Variants in SNX31 observed in about 807,000 individuals in gnomAD.
SNX31 encodes the protein sorting nexin-31.
Under a neutral mutation model 65.4 loss-of-function variants are expected in SNX31, and 58 were observed. The observed-to-expected ratio is 0.89, with a 90% CI of 0.72 to 1.10. The LOEUF (loss-of-function observed/expected upper bound fraction) is 1.10, where lower values mean the gene tolerates loss of function less well. Among genes scored for constraint, SNX31 ranks in the 50% least tolerant of loss-of-function variants. The pLI is 0.00. For synonymous variants in SNX31, 181 were observed against 190.1 expected, an observed-to-expected ratio of 0.95 and a Z score of 0.39; for missense variants, 523 against 529.7, an observed-to-expected ratio of 0.99 and a Z score of 0.12.
intron 1 of SNX31, among the ~76,000 whole-genome samples, chr8:100,659,203 G>A (rs1464776256): frequency 2.6e-5 from 4 of 151,924 alleles, no homozygotes; most frequent in Admixed American, 6.6e-5. Context: ...AAAATTAGCC[G>A]GGCCTGGTGG....
chr8:100,655,447 C>T (rs1402691649), intron 1 of SNX31, among the ~76,000 whole-genome samples: 1 of 152,122 alleles, frequency 6.6e-6, no homozygotes, highest in Non-Finnish European at 1.5e-5. Context: ...ATCATGGGGG[C>T]AGTTTCCCCC....
chr8:100,605,447 T>C (rs150035582), intron 8 of SNX31, among the ~76,000 whole-genome samples: 52 of 152,292 alleles, frequency 3.4e-4, no homozygotes, highest in African/African-American at 1.2e-3. Flanking sequence ...ATGATGATGA[T>C]GATGATAAAG....
intron 12 of SNX31, among the ~76,000 whole-genome samples, chr8:100,583,678 T>C (rs2507778): frequency 0.39 from 58,612 of 151,938 alleles, 12,151 homozygotes; most frequent in African/African-American, 0.52. Flanking sequence ...GCATTTTCAT[T>C]TGGCACAATG....
intron 3 of SNX31, 21 bp downstream of exon 3, chr8:100,635,876 A>G: frequency 6.4e-7 from 1 of 1,570,522 alleles, no homozygotes; most frequent in Non-Finnish European, 8.8e-7. Flanking sequence ...CTGTTTTTTA[A>G]AAAACCCTGC....
At position 100,622,664 on chromosome 8, in the gene SNX31, G is replaced by GTAAA. The variant is rs150849109; in HGVS notation, c.322-4938_322-4935dup. ...AGACTCCCTCTCAAAAAATAAATAA[G>GTAAA]TAAATAAATAAATAAATAAATAAAT... On this transcript the variant is annotated intron_variant, in intron 4 of 13. Transcript: ENST00000311812. This position sits in a 1 kb window ranked among gnomAD's most constrained non-coding sequence, Gnocchi z 5.0. Among the ~76,000 whole-genome samples, 2,179 of 149,646 alleles carry GTAAA rather than the reference G, an allele frequency of 0.015. 17 individuals are homozygous for GTAAA. The highest frequency in any genetic ancestry group is 0.022 in the African/African-American group (891 of 40,642).
chr8:100,649,151 T>C, intron 2 of SNX31, 123 bp downstream of exon 2: 1 of 871,534 alleles, frequency 1.1e-6, no homozygotes, highest in Non-Finnish European at 1.8e-6. Context: ...TGTTTCACAA[T>C]AGGAAGCCCG....
At chr8:100,646,358 G>A (rs1374108505) in intron 2 of SNX31, among the ~76,000 whole-genome samples, 1 of 152,190 alleles carries the variant, frequency 6.6e-6, no homozygotes, top group Non-Finnish European at 1.5e-5. Context: ...GCAAGCAAAA[G>A]TGGTCTTAGT....
At chr8:100,628,596 G>T (rs1266725509) in intron 4 of SNX31, among the ~76,000 whole-genome samples, 1 of 151,820 alleles carries the variant, frequency 6.6e-6, no homozygotes, top group Non-Finnish European at 1.5e-5. Flanking sequence ...GTTGTGGGGT[G>T]GGGGGAAGGG....
At chr8:100,621,678 G>T (rs959900211) in intron 4 of SNX31, among the ~76,000 whole-genome samples, 8 of 152,164 alleles carry the variant, frequency 5.3e-5, no homozygotes, top group African/African-American at 1.4e-4. Flanking sequence ...AGCAGCCTGA[G>T]ATATATTTTT....
At chr8:100,644,775 G>C (rs1373465315) in intron 2 of SNX31, among the ~76,000 whole-genome samples, 1 of 152,198 alleles carries the variant, frequency 6.6e-6, no homozygotes, top group Admixed American at 6.5e-5. Flanking sequence ...AGCAATTCTC[G>C]TGCCTCATTC....
rs775258107 is a variant in SNX31, at chr8:100,629,317, G to A, written c.321+1010C>T. ...AGAAAAGTTACTTTTCATTGTATAC[G>A]CTTGGCTATTTGAATTTTACTATCA... is the stretch of plus-strand genomic sequence containing the variant. On this transcript the variant is annotated intron_variant, in intron 4 of 13. Coordinates refer to ENST00000311812, the MANE Select transcript of SNX31 (RefSeq NM_152628.4). This position sits in a 1 kb window ranked among gnomAD's most constrained non-coding sequence, Gnocchi z 5.1. 6.6e-6 allele frequency among the ~76,000 whole-genome samples: 1 copy of A among 152,118 alleles called. No homozygotes were observed. The highest frequency in any genetic ancestry group is 1.5e-5 in the Non-Finnish European group (1 of 68,024).
At chr8:100,590,735 T>C (rs1399506811) in intron 10 of SNX31, among the ~76,000 whole-genome samples, 1 of 152,084 alleles carries the variant, frequency 6.6e-6, no homozygotes, top group African/African-American at 2.4e-5. Context: ...TGAGCTGAGA[T>C]TGCGCCACTG....
rs35396586 is a variant in SNX31, at chr8:100,610,640, A to T, written c.611+1360T>A. The stretch of plus-strand genomic sequence containing the variant: ...CAGGAACAACTGTGCTCAGCCATTC[A>T]CTACAGCAAGCAGCTTCCAGAACAG... On this transcript the variant is annotated intron_variant, in intron 7 of 13. Transcript: ENST00000311812. This position sits in a 1 kb window ranked among gnomAD's most constrained non-coding sequence, Gnocchi z 4.0. 0.054 allele frequency among the ~76,000 whole-genome samples: 8,171 copies of T among 152,282 alleles called. 282 individuals are homozygous for T. Among genetic ancestry groups the T allele is most frequent in the East Asian group, 0.15 (789 of 5,184 alleles).
rs374214166 is a variant in SNX31 at position 100,579,004 on chromosome 8, G to A, written c.1171-1929C>T. 2.2e-4 allele frequency among the ~76,000 whole-genome samples: 34 copies of A among 152,210 alleles called. No homozygotes were observed. The East Asian group carries it at 3.3e-3, about 15-fold the overall frequency. ...CCCAAAGTGCTGGGATTACAGGCAC[G>A]AGACACTGTGCCCGGCCTCAATATT... On this transcript the variant is annotated intron_variant, in intron 12 of 13. Transcript: ENST00000311812.
At chr8:100,651,461 T>A (rs1307060443), upstream of SNX31, among the ~76,000 whole-genome samples, 2 of 151,032 alleles carry the variant, frequency 1.3e-5, no homozygotes. Context: ...TTTCACCCCA[T>A]GGCATGTCCA....
intron 8 of SNX31, among the ~76,000 whole-genome samples, chr8:100,602,580 A>G (rs1204542021): frequency 6.6e-6 from 1 of 152,214 alleles, no homozygotes; most frequent in Non-Finnish European, 1.5e-5. Flanking sequence ...AACAATAACT[A>G]ATAAGAAAAT....
Position 100,573,842 on chromosome 8 carries a change from AT to A in SNX31, c.*22del. 6.7e-7 allele frequency: 1 copy of A among 1,503,512 alleles called. No homozygotes were observed. Among genetic ancestry groups the A allele is most frequent in the East Asian group, 2.3e-5 (1 of 43,722 alleles). 93.1% of individuals were successfully genotyped at this position (1,503,512 alleles called of 1,614,324 possible). A position where few individuals can be genotyped will look rare whatever the true frequency, so the allele number is the denominator to read the frequency against. On this transcript the variant is annotated 3_prime_UTR_variant, in exon 14 of 14. Coordinates refer to ENST00000311812, the MANE Select transcript of SNX31 (RefSeq NM_152628.4). ...CTGTCTTGAGATAGCCTCCAAGGAT[AT>A]TTTAAAATATGAGAGCTTTCTTCAG...
chr8:100,615,454 T>C (rs978425153), intron 5 of SNX31, among the ~76,000 whole-genome samples: 2 of 152,230 alleles, frequency 1.3e-5, no homozygotes, highest in African/African-American at 4.8e-5. Context: ...GTCTGTAAAG[T>C]AACTTACCCA....
chr8:100,607,289 G>C (rs966627981), intron 8 of SNX31, among the ~76,000 whole-genome samples: 8 of 152,212 alleles, frequency 5.3e-5, no homozygotes, highest in African/African-American at 1.9e-4. Flanking sequence ...AAAAGATCAG[G>C]TCTCCGAAGA....
Sources: allele counts gnomAD v4.1 joint callset (sites outside exome capture counted in the v4.1 genomes callset), GRCh38; gene constraint gnomAD v4.1.1; non-coding constraint Gnocchi (gnomAD v3.1); transcripts MANE v1.5; gene names NCBI Gene and HGNC (gene_info 2026-07-23, HGNC 2026-07-21).